The following FHIP1A variants were observed in gnomAD, a reference collection of about 807,000 sequenced individuals.
The protein encoded by FHIP1A is FHF complex subunit HOOK-interacting protein 1A.
Under a neutral mutation model 88.6 loss-of-function variants are expected in FHIP1A, and 61 were observed. The observed-to-expected ratio is 0.69, with a 90% CI of 0.56 to 0.85. FHIP1A has a LOEUF of 0.85. Ranked by LOEUF, FHIP1A falls within the 40% of genes least tolerant of loss-of-function variation. The pLI, the probability that FHIP1A is intolerant of heterozygous loss-of-function variation, is 0.00. For synonymous variants in FHIP1A, 478 were observed against 496.0 expected (o/e 0.96, Z 0.48); for missense variants, 1,154 against 1,273.5 (o/e 0.91, Z 1.43).
intron 3 of FHIP1A, among the ~76,000 whole-genome samples, chr4:151,518,831 T>C (rs2126691392): frequency 1.3e-5 from 2 of 152,062 alleles, no homozygotes; most frequent in South Asian, 4.2e-4. Context: ...AGCTAATTTT[T>C]TAAAACTGTT....
intron 3 of FHIP1A, among the ~76,000 whole-genome samples, chr4:151,563,312 G>GT (rs1472275783): frequency 3.3e-5 from 5 of 151,210 alleles, no homozygotes; most frequent in South Asian, 2.1e-4. Flanking sequence ...TTCTTTGAGT[G>GT]TTTTTTTTGT....
At chr4:151,543,738 A>G (rs993855585) in intron 3 of FHIP1A, among the ~76,000 whole-genome samples, 4 of 152,228 alleles carry the variant, frequency 2.6e-5, no homozygotes, top group Non-Finnish European at 4.4e-5. Flanking sequence ...CTAAGTCACC[A>G]TTATAATGAA....
chr4:151,609,451 A>C lies in FHIP1A; in HGVS notation c.979-20251A>C, dbSNP rs1485257081. Reference sequence around the variant, plus strand: ...TCCACATGTAGAAAAACCTACAAGAATCCATTATTTATCCCAGAGCTATAC... The same window carrying C: ...TCCACATGTAGAAAAACCTACAAGACTCCATTATTTATCCCAGAGCTATAC... On this transcript the variant is annotated intron_variant, in intron 7 of 13. Transcript: ENST00000435205. 2.6e-5 allele frequency among the ~76,000 whole-genome samples: 4 copies of C among 152,240 alleles called. No homozygotes were observed. The East Asian group carries it at 7.7e-4, about 29-fold the overall frequency.
intron 2 of FHIP1A, among the ~76,000 whole-genome samples, chr4:151,456,057 A>G (rs1728956849): frequency 6.6e-6 from 1 of 152,184 alleles, no homozygotes; most frequent in African/African-American, 2.4e-5. Flanking sequence ...CCTTCTTAAC[A>G]TACATCATCT....
At chr4:151,544,434 G>A (rs930815614) in intron 3 of FHIP1A, among the ~76,000 whole-genome samples, 1 of 152,146 alleles carries the variant, frequency 6.6e-6, no homozygotes, top group Non-Finnish European at 1.5e-5. Flanking sequence ...TTGGGTCTAA[G>A]ATACAGGGAT....
intron 13 of FHIP1A, among the ~76,000 whole-genome samples, chr4:151,659,178 T>C (rs979783759): frequency 1.3e-5 from 2 of 152,238 alleles, no homozygotes; most frequent in Non-Finnish European, 2.9e-5. Flanking sequence ...TCCAGGGCTC[T>C]GACCTGTAAG....
intron 3 of FHIP1A, among the ~76,000 whole-genome samples, chr4:151,533,315 C>T (rs1731949785): frequency 6.6e-6 from 1 of 151,912 alleles, no homozygotes; most frequent in African/African-American, 2.4e-5. Context: ...TGGGGGGCAC[C>T]TAGGCGGGAG....
intron 3 of FHIP1A, among the ~76,000 whole-genome samples, chr4:151,491,555 A>G (rs1207063259): frequency 6.6e-6 from 1 of 152,170 alleles, no homozygotes; most frequent in Non-Finnish European, 1.5e-5. Context: ...TAAATCTCAC[A>G]GGGCCTATAA....
chr4:151,495,894 A>C (rs1433162459), intron 3 of FHIP1A, among the ~76,000 whole-genome samples: 1 of 152,116 alleles, frequency 6.6e-6, no homozygotes, highest in Admixed American at 6.5e-5. Flanking sequence ...AAGTGCTGAG[A>C]TTACAGGCAT....
chr4:151,515,139 A>G (rs1266006831), intron 3 of FHIP1A, among the ~76,000 whole-genome samples: 5 of 152,030 alleles, frequency 3.3e-5, no homozygotes, highest in Admixed American at 1.3e-4. Flanking sequence ...GGGATGCAAG[A>G]CTGGTTCAAT....
At chr4:151,623,595 C>T (rs1735834992) in intron 7 of FHIP1A, among the ~76,000 whole-genome samples, 1 of 149,516 alleles carries the variant, frequency 6.7e-6, no homozygotes, top group African/African-American at 2.5e-5. Flanking sequence ...AAATAATAGC[C>T]ATCCTTTACT....
At chr4:151,511,878 C>T (rs1311185162) in intron 3 of FHIP1A, among the ~76,000 whole-genome samples, 2 of 152,278 alleles carry the variant, frequency 1.3e-5, no homozygotes, top group Non-Finnish European at 2.9e-5. Context: ...AACAAAAAGA[C>T]AGCAGTAACC....
chr4:151,585,618 A>G (rs1395971301), intron 5 of FHIP1A, among the ~76,000 whole-genome samples: 3 of 152,156 alleles, frequency 2.0e-5, no homozygotes, highest in Non-Finnish European at 4.4e-5. Context: ...AATTCATTGC[A>G]TCCCTGGTTT....
In FHIP1A at chr4:151,451,281, A is replaced by C. The variant is rs371779534; in HGVS notation, c.-355-3420A>C. On this transcript the variant is annotated intron_variant, in intron 1 of 13. Transcript: ENST00000435205. ...AGATATTTTTCCCAGGTTACCTTTC[A>C]ACTTTATTTATTTTTGCTTTACATT... 4.0e-4 allele frequency among the ~76,000 whole-genome samples: 61 copies of C among 152,066 alleles called. No individual in the cohort carries two copies. In the South Asian group the frequency reaches 0.012, roughly 31 times the overall value.
chr4:151,651,993 G>T (rs747669433), intron 11 of FHIP1A, among the ~76,000 whole-genome samples: 1 of 152,108 alleles, frequency 6.6e-6, no homozygotes, highest in Non-Finnish European at 1.5e-5. Flanking sequence ...GGAAGAGTTC[G>T]CTTGAAGGGA....
chr4:151,540,617 A>G (rs1365469334), intron 3 of FHIP1A, among the ~76,000 whole-genome samples: 1 of 152,204 alleles, frequency 6.6e-6, no homozygotes, highest in Non-Finnish European at 1.5e-5. Context: ...GGTATAATAA[A>G]CTATCCTTAC....
chr4:151,470,816 A>G (rs1466856113), intron 2 of FHIP1A, among the ~76,000 whole-genome samples: 2 of 152,132 alleles, frequency 1.3e-5, no homozygotes, highest in African/African-American at 4.8e-5. Context: ...TGGGTAATCA[A>G]TAATAATATC....
At chr4:151,567,148 A>G (rs978150849) in intron 4 of FHIP1A, among the ~76,000 whole-genome samples, 23 of 152,196 alleles carry the variant, frequency 1.5e-4, no homozygotes, top group African/African-American at 5.1e-4. Context: ...AAAATTTACT[A>G]TTCCGCCCCT....
intron 4 of FHIP1A, among the ~76,000 whole-genome samples, chr4:151,571,931 G>T (rs1221284762): frequency 6.6e-6 from 1 of 152,218 alleles, no homozygotes; most frequent in African/African-American, 2.4e-5. Context: ...AGCATGGCCG[G>T]GTGCAGTGGC....
Sources: gnomAD v4.1 joint callset for allele counts (sites outside exome capture counted in the v4.1 genomes callset) on GRCh38, gnomAD v4.1.1 for gene constraint, MANE v1.5 for transcripts, NCBI Gene and HGNC (gene_info 2026-07-23, HGNC 2026-07-21) for gene names.